The following GNG2 variants were observed in gnomAD, a reference collection of about 807,000 sequenced individuals.
The protein encoded by GNG2 is guanine nucleotide-binding protein G(I)/G(S)/G(O) subunit gamma-2.
A neutral mutation model predicts 5.5 loss-of-function variants in GNG2; 5 were observed. The ratio of observed to expected loss-of-function variants is 0.91; its 90% CI spans 0.48 to 1.92. The LOEUF is 1.92. Among genes scored for constraint, GNG2 ranks in the 30% most tolerant of loss-of-function variants. The pLI is 0.01. For synonymous variants in GNG2, 28 were observed against 32.0 expected, an observed-to-expected ratio of 0.88 and a Z score of 0.42; for missense variants, 55 against 88.4, an observed-to-expected ratio of 0.62 and a Z score of 1.52.
In GNG2 at chr14:51,877,596, TTC is replaced by T. The variant is rs1936257506; in HGVS notation, c.-70-15_-70-14del. The T allele has an allele frequency of 2.2e-6, 1 of 455,768 alleles. No homozygotes were observed. The highest frequency in any genetic ancestry group is 2.4e-5 in the Admixed American group (1 of 42,412). The allele number at this position is 455,768 out of a possible 1,614,324, so 28.2% of individuals were successfully genotyped here. Reference sequence around the variant, plus strand: ...ATTTTTCCTTTTAAAAAATTCGTTTTTCTCTCTGCTTTCTCAACAGCCAGATC... The same window carrying T: ...ATTTTTCCTTTTAAAAAATTCGTTTTTCTCTGCTTTCTCAACAGCCAGATC... On this transcript the variant is annotated intron_variant, in intron 1 of 3. Coordinates refer to ENST00000556766, the MANE Select transcript of GNG2 (RefSeq NM_053064.5).
rs555437697 is a variant in GNG2, at chr14:51,950,625, A to T, written c.-29-25A>T. 52 of 1,374,112 alleles carry T rather than the reference A, an allele frequency of 3.8e-5. No homozygotes were observed. The South Asian group carries it at 6.1e-4, about 16-fold the overall frequency. 85.1% of individuals were successfully genotyped at this position (1,374,112 alleles called of 1,614,324 possible). A position where few individuals can be genotyped will look rare whatever the true frequency, so the allele number is the denominator to read the frequency against. ...GCTGGCTCATGAATTCTCTGGTACAATCTTCTTTTTGTTTTCTTTTCTAGT... is the reference window on the plus strand; with the variant it reads ...GCTGGCTCATGAATTCTCTGGTACATTCTTCTTTTTGTTTTCTTTTCTAGT... On this transcript the variant is annotated intron_variant, in intron 2 of 3. Transcript: ENST00000556766.
At chr14:51,853,907 T>C (rs1882029879) in intron 2 of GNG2, among the ~76,000 whole-genome samples, 1 of 152,098 alleles carries the variant, frequency 6.6e-6, no homozygotes, top group Non-Finnish European at 1.5e-5. Context: ...TCTTTTTTTT[T>C]TGGGACAGAG....
intron 1 of GNG2, among the ~76,000 whole-genome samples, chr14:51,861,787 G>A (rs937676609): frequency 6.6e-6 from 1 of 152,178 alleles, no homozygotes. Flanking sequence ...ATATTAGGGA[G>A]TTTAATACCC....
intron 2 of GNG2, among the ~76,000 whole-genome samples, chr14:51,914,690 G>A (rs1402624913): frequency 6.6e-6 from 1 of 152,188 alleles, no homozygotes; most frequent in African/African-American, 2.4e-5. Context: ...AACAAAGAGA[G>A]GTCTTTGCTG....
At chr14:51,939,195 A>G (rs1346001898) in intron 2 of GNG2, among the ~76,000 whole-genome samples, 3 of 152,190 alleles carry the variant, frequency 2.0e-5, no homozygotes, top group Non-Finnish European at 2.9e-5. Context: ...TAAGAATGCC[A>G]GCTCCCATTT....
chr14:51,906,863 C>T (rs1310609379), intron 2 of GNG2, among the ~76,000 whole-genome samples: 3 of 148,230 alleles, frequency 2.0e-5, no homozygotes, highest in Non-Finnish European at 4.4e-5. Context: ...TCACGCCATT[C>T]TCCTGCCTCA....
chr14:51,856,234 AAGG>A (rs1882153184), upstream of GNG2, among the ~76,000 whole-genome samples: 1 of 151,906 alleles, frequency 6.6e-6, no homozygotes, highest in Non-Finnish European at 1.5e-5. Context: ...GAGGAGAGAG[AAGG>A]AGGTGTACAG....
At chr14:51,847,773 T>C (rs1040707916) in intron 2 of GNG2, among the ~76,000 whole-genome samples, 7 of 151,730 alleles carry the variant, frequency 4.6e-5, no homozygotes, top group Admixed American at 1.3e-4. Flanking sequence ...TGATCGCACT[T>C]CCAACTAAAA....
At chr14:51,966,030 G>A (rs11847372) in intron 3 of GNG2, among the ~76,000 whole-genome samples, 1,900 of 151,630 alleles carry the variant, frequency 0.013, 47 homozygotes, top group African/African-American at 0.043. Context: ...CCAACGTGGT[G>A]AAACCCTGTC....
intron 2 of GNG2, among the ~76,000 whole-genome samples, chr14:51,897,415 G>T (rs1272262451): frequency 6.6e-6 from 1 of 152,138 alleles, no homozygotes; most frequent in Admixed American, 6.6e-5. Context: ...GACAATTCCG[G>T]GGTGGGGGCA....
At chr14:51,917,862 C>G (rs1886742232) in intron 2 of GNG2, among the ~76,000 whole-genome samples, 1 of 151,966 alleles carries the variant, frequency 6.6e-6, no homozygotes, top group Admixed American at 6.6e-5. Context: ...CCTGTCTCTA[C>G]TAAAAACACA....
chr14:51,948,768 G>T (rs1202007837), intron 2 of GNG2, among the ~76,000 whole-genome samples: 1 of 152,082 alleles, frequency 6.6e-6, no homozygotes, highest in Admixed American at 6.6e-5. Context: ...AGATCTCTGT[G>T]ACTTCAAAAA....
chr14:51,930,007 T>G (rs1191594543), intron 2 of GNG2, among the ~76,000 whole-genome samples: 1 of 152,204 alleles, frequency 6.6e-6, no homozygotes, highest in Non-Finnish European at 1.5e-5. Flanking sequence ...CCATAATGTT[T>G]CTATGCAGAG....
At chr14:51,840,567 A>G (rs192774712) in intron 2 of GNG2, among the ~76,000 whole-genome samples, 3 of 152,270 alleles carry the variant, frequency 2.0e-5, no homozygotes, top group Admixed American at 1.3e-4. Context: ...AACTCTCTGC[A>G]TCTTAAATTT....
chr14:51,930,952 C>T (rs2140244242), intron 2 of GNG2, among the ~76,000 whole-genome samples: 1 of 152,150 alleles, frequency 6.6e-6, no homozygotes, highest in Non-Finnish European at 1.5e-5. Context: ...TGGCACCAAC[C>T]CATGGTGGTG....
intron 3 of GNG2, chr14:51,951,902 C>G (rs1888997438): frequency 1.4e-6 from 1 of 702,034 alleles, no homozygotes; most frequent in African/African-American, 1.7e-5. Context: ...TCACTGACCC[C>G]TGGTCTACAG....
chr14:51,965,459 T>C (rs1889839501), intron 3 of GNG2, among the ~76,000 whole-genome samples: 2 of 152,142 alleles, frequency 1.3e-5, no homozygotes, highest in South Asian at 4.1e-4. Flanking sequence ...AAATCCACGC[T>C]CTAATGTAGT....
intron 1 of GNG2, among the ~76,000 whole-genome samples, chr14:51,865,807 A>G (rs1401065005): frequency 6.6e-6 from 1 of 152,176 alleles, no homozygotes; most frequent in Non-Finnish European, 1.5e-5. Context: ...GCCACTGTGG[A>G]ATAGAGATTT....
intron 2 of GNG2, among the ~76,000 whole-genome samples, chr14:51,836,131 C>T (rs1363938358): frequency 6.6e-6 from 1 of 151,762 alleles, no homozygotes; most frequent in East Asian, 1.9e-4. Flanking sequence ...CTTCATTTGG[C>T]AGAGGAGAGA....
Sources: gnomAD v4.1 joint callset for allele counts (sites outside exome capture counted in the v4.1 genomes callset) on GRCh38, gnomAD v4.1.1 for gene constraint, MANE v1.5 for transcripts, NCBI Gene and HGNC (gene_info 2026-07-23, HGNC 2026-07-21) for gene names.